The following DCX variants were observed in gnomAD, a reference collection of about 807,000 sequenced individuals.
The protein encoded by DCX is doublecortin, also known as neuronal migration protein doublecortin.
In DCX, 4 loss-of-function variants were observed where a neutral mutation model predicts 20.9. That is an observed-to-expected ratio of 0.19 (90% confidence interval 0.09 to 0.44). DCX has a LOEUF of 0.44. Among genes scored for constraint, DCX ranks in the 20% least tolerant of loss-of-function variants. The pLI is 0.99. For synonymous variants in DCX, 103 were observed against 111.4 expected, an observed-to-expected ratio of 0.92 and a Z score of 0.47; for missense variants, 133 against 296.9, an observed-to-expected ratio of 0.45 and a Z score of 4.06.
At chrX:111,308,865 A>AT (rs767884937) in intron 6 of DCX, among the ~76,000 whole-genome samples, 3,432 of 102,821 alleles carry the variant, frequency 0.033, 86 homozygotes, top group African/African-American at 0.085. Context: ...ACGTTTCTAG[A>AT]TTTTTTTTTT....
intron 6 of DCX, among the ~76,000 whole-genome samples, chrX:111,308,651 G>C (rs2095050741): frequency 9.0e-6 from 1 of 111,092 alleles, no homozygotes; most frequent in Admixed American, 9.6e-5. Context: ...GCCTCTCCAA[G>C]CACGTATAAG....
At chrX:111,385,949 T>C (rs1275983464) in intron 3 of DCX, among the ~76,000 whole-genome samples, 1 of 111,672 alleles carries the variant, frequency 9.0e-6, no homozygotes, top group East Asian at 2.9e-4. Flanking sequence ...ATTACTCTTG[T>C]TTTCTATCTC....
intron 3 of DCX, among the ~76,000 whole-genome samples, chrX:111,370,783 A>T (rs1603419983): frequency 9.9e-6 from 1 of 100,537 alleles, no homozygotes; most frequent in East Asian, 3.0e-4. Flanking sequence ...GAGAGCTTTA[A>T]AAAAAAAAAA....
chrX:111,352,339 G>T (rs190935988), intron 3 of DCX, among the ~76,000 whole-genome samples: 2 of 111,755 alleles, frequency 1.8e-5, no homozygotes, highest in African/African-American at 3.3e-5. Context: ...TCTGACGATG[G>T]CTTTATTGCT....
chrX:111,333,856 A>C (rs2147636714), intron 3 of DCX, among the ~76,000 whole-genome samples: 1 of 111,710 alleles, frequency 9.0e-6, no homozygotes, highest in Non-Finnish European at 1.9e-5. Flanking sequence ...ACAGACAGAC[A>C]GTCTCCCCAA....
intron 3 of DCX, among the ~76,000 whole-genome samples, chrX:111,344,882 A>G (rs1234601643): frequency 1.8e-5 from 2 of 111,548 alleles, no homozygotes; most frequent in African/African-American, 6.5e-5. Flanking sequence ...ACAGAATTAG[A>G]AAAAAAACAC....
intron 6 of DCX, among the ~76,000 whole-genome samples, chrX:111,304,870 A>G (rs1470848962): frequency 1.8e-5 from 2 of 111,583 alleles, no homozygotes; most frequent in Admixed American, 9.5e-5. Flanking sequence ...GACTGGGTAT[A>G]TTCTTAGAAA....
intron 4 of DCX, 104 bp from the exon 5 acceptor site, chrX:111,331,145 T>C: frequency 1.1e-6 from 1 of 951,115 alleles, no homozygotes; most frequent in Non-Finnish European, 1.5e-6. Context: ...AGGACCTAAA[T>C]GGGTCAGGAC....
intron 3 of DCX, among the ~76,000 whole-genome samples, chrX:111,341,111 A>G (rs1048199266): frequency 9.0e-6 from 1 of 110,686 alleles, no homozygotes; most frequent in Non-Finnish European, 1.9e-5. Flanking sequence ...CAATGCAAAG[A>G]AGCTAAGAAC....
intron 5 of DCX, among the ~76,000 whole-genome samples, chrX:111,326,830 C>T (rs2095100609): frequency 1.8e-5 from 2 of 111,535 alleles, no homozygotes; most frequent in South Asian, 7.5e-4. Flanking sequence ...AGGAAAGGGA[C>T]AACTTAAGGT....
chrX:111,380,638 CT>C (rs1208234615), intron 3 of DCX, among the ~76,000 whole-genome samples: 1 of 110,185 alleles, frequency 9.1e-6, no homozygotes, highest in East Asian at 2.8e-4. Context: ...TTTTGCTATT[CT>C]GGATCCCTTG....
In DCX at chrX:111,378,055, G is replaced by A. The variant is rs1184327772; in HGVS notation, c.705+22935C>T. Among the ~76,000 whole-genome samples the A allele has an allele frequency of 3.6e-5, 4 of 111,731 alleles. No individual in the cohort carries two copies. In the East Asian group the frequency reaches 8.5e-4, roughly 24 times the overall value. On this transcript the variant is annotated intron_variant, in intron 3 of 6. Transcript: ENST00000636035. ...AAGCACCAAGCATAGGAGCAAGCCTGACATGGTAGAGCCTCCAAAATCAAT... is the reference window on the plus strand; with the variant it reads ...AAGCACCAAGCATAGGAGCAAGCCTAACATGGTAGAGCCTCCAAAATCAAT...
At position 111,401,152 on chromosome X, in the gene DCX, C is replaced by A. The variant is rs1325565530; in HGVS notation, c.543G>T (p.Leu181=). 3 of 1,211,410 alleles carry A rather than the reference C, an allele frequency of 2.5e-6. No homozygotes were observed. In the South Asian group the frequency reaches 5.3e-5, roughly 21 times the overall value. ...RENKDFVRPK[L]VTIIRSGVKP... Reference sequence around the variant, plus strand: ...TCACCCCACTGCGGATGATGGTAACCAGCTTGGGGCGCACAAAGTCCTTGT... The same window carrying A: ...TCACCCCACTGCGGATGATGGTAACAAGCTTGGGGCGCACAAAGTCCTTGT... Residue 181 remains leucine (L), a synonymous_variant, in exon 3 of 7, where the codon CTG becomes CTT. Coordinates refer to ENST00000636035, the MANE Select transcript of DCX (RefSeq NM_001195553.2).
At chrX:111,305,622 T>A (rs2095043706) in intron 6 of DCX, among the ~76,000 whole-genome samples, 1 of 84,694 alleles carries the variant, frequency 1.2e-5, no homozygotes, top group African/African-American at 5.9e-5. Context: ...ATATTTGACC[T>A]TTTTTTTTTT....
rs779250888 is a variant in DCX at position 111,373,300 on chromosome X, C to A, written c.705+27690G>T. Among the ~76,000 whole-genome samples, 4 of 111,616 alleles carry A rather than the reference C, an allele frequency of 3.6e-5. No individual in the cohort carries two copies. In the East Asian group the frequency reaches 1.1e-3, roughly 32 times the overall value. ...ATATAGGGATGAAGGAAGAGAGAGA[C>A]CAAGTTCAAGCTGCAAGAAATCCCT... On this transcript the variant is annotated intron_variant, in intron 3 of 6. Coordinates refer to ENST00000636035, the MANE Select transcript of DCX (RefSeq NM_001195553.2).
chrX:111,392,554 A>G (rs1927032386), intron 3 of DCX, among the ~76,000 whole-genome samples: 1 of 111,693 alleles, frequency 9.0e-6, no homozygotes, highest in Admixed American at 9.5e-5. Flanking sequence ...CACTTAGCAT[A>G]TATACATGAA....
intron 3 of DCX, among the ~76,000 whole-genome samples, chrX:111,386,042 G>A (rs1926483122): frequency 8.9e-6 from 1 of 111,844 alleles, no homozygotes; most frequent in Admixed American, 9.5e-5. Flanking sequence ...ACACAAACTA[G>A]CTACCCCACA....
At chrX:111,366,842 G>C (rs1270214364) in intron 3 of DCX, among the ~76,000 whole-genome samples, 1 of 111,698 alleles carries the variant, frequency 9.0e-6, no homozygotes, top group African/African-American at 3.3e-5. Context: ...TATCTATCAG[G>C]AATCAAAATA....
chrX:111,312,005 A>G (rs2095058737), intron 6 of DCX, among the ~76,000 whole-genome samples: 1 of 112,396 alleles, frequency 8.9e-6, no homozygotes, highest in African/African-American at 3.2e-5. Flanking sequence ...CTGGGTGAGA[A>G]TCTGTTTGGA....
Sources: allele counts gnomAD v4.1 joint callset (sites outside exome capture counted in the v4.1 genomes callset), GRCh38; gene constraint gnomAD v4.1.1; transcripts MANE v1.5; gene names NCBI Gene and HGNC (gene_info 2026-07-23, HGNC 2026-07-21).